ELAPOR2: variants seen among roughly 807,000 people sequenced by gnomAD.
The protein encoded by ELAPOR2 is endosome-lysosome associated apoptosis and autophagy regulator family member 2, also known as endosome/lysosome-associated apoptosis and autophagy regulator family member 2.
A neutral mutation model predicts 120.7 loss-of-function variants in ELAPOR2; 89 were observed. That is an observed-to-expected ratio of 0.74 (90% CI 0.62 to 0.88). The LOEUF (loss-of-function observed/expected upper bound fraction) is 0.88, where lower values mean the gene tolerates loss of function less well. Among genes scored for constraint, ELAPOR2 ranks in the 40% least tolerant of loss-of-function variants. The pLI is 0.00. For synonymous variants in ELAPOR2, 444 were observed against 444.9 expected, an observed-to-expected ratio of 1.00 and a Z score of 0.03; for missense variants, 1,134 against 1,251.6, an observed-to-expected ratio of 0.91 and a Z score of 1.42.
chr7:86,934,060 A>G (rs1253981012), intron 8 of ELAPOR2, among the ~76,000 whole-genome samples: 4 of 152,018 alleles, frequency 2.6e-5, no homozygotes, highest in African/African-American at 9.7e-5. Flanking sequence ...ATAATTTTGT[A>G]GTGAATGTTT....
rs148076560 is a variant in ELAPOR2, at chr7:86,953,006, G to T, written c.311-5084C>A. On this transcript the variant is annotated intron_variant, in intron 2 of 21. Coordinates refer to ENST00000450689, the MANE Select transcript of ELAPOR2 (RefSeq NM_001142749.3). ...AGCTACTTGGGAGGCTGAGGCATGA[G>T]AATTGCTTGAGCCTGGAAGACAGAG... Among the ~76,000 whole-genome samples the T allele has an allele frequency of 3.3e-3, 496 of 150,084 alleles. 3 individuals are homozygous for T. Among genetic ancestry groups the T allele is most frequent in the African/African-American group, 0.011 (452 of 40,832 alleles).
intron 1 of ELAPOR2, among the ~76,000 whole-genome samples, chr7:87,013,576 C>A (rs1793765260): frequency 6.6e-6 from 1 of 152,038 alleles, no homozygotes; most frequent in African/African-American, 2.4e-5. Context: ...GAGGAAGGAG[C>A]AGGTGGTGAA....
intron 8 of ELAPOR2, among the ~76,000 whole-genome samples, chr7:86,932,868 C>A (rs1309361758): frequency 6.6e-6 from 1 of 151,888 alleles, no homozygotes; most frequent in Admixed American, 6.6e-5. Context: ...TTCTTTCACA[C>A]AAATAAATTT....
chr7:87,051,400 C>A (rs1233883178), intron 1 of ELAPOR2, among the ~76,000 whole-genome samples: 1 of 152,148 alleles, frequency 6.6e-6, no homozygotes, highest in Non-Finnish European at 1.5e-5. Context: ...TGTAAGTAAA[C>A]AAATTTACCT....
intron 1 of ELAPOR2, among the ~76,000 whole-genome samples, chr7:87,040,551 G>A (rs1433262815): frequency 6.6e-6 from 1 of 152,054 alleles, no homozygotes; most frequent in Non-Finnish European, 1.5e-5. Context: ...GCAGCTGAGG[G>A]TCCTGTCTGT....
At position 87,030,444 on chromosome 7, in the gene ELAPOR2, A is replaced by C. The variant is rs151171222; in HGVS notation, c.189+28881T>G. Among the ~76,000 whole-genome samples, 1,238 of 152,312 alleles carry C rather than the reference A, an allele frequency of 8.1e-3. 18 individuals are homozygous for C. The highest frequency in any genetic ancestry group is 7.9e-3 in the Non-Finnish European group (538 of 68,014). ...TCATCAGCTCCCACCAAAAGAAAAA[A>C]AAAGAAAGAAAGAAAAAGAAAAAAT... is the stretch of plus-strand genomic sequence containing the variant. On this transcript the variant is annotated intron_variant, in intron 1 of 21. Transcript: ENST00000450689.
chr7:87,034,928 C>A (rs1053713515), intron 1 of ELAPOR2, among the ~76,000 whole-genome samples: 1 of 151,900 alleles, frequency 6.6e-6, no homozygotes, highest in African/African-American at 2.4e-5. Flanking sequence ...ACTAAAAATA[C>A]AAAATTAGCC....
At chr7:86,896,846 G>T (rs1236302604) in intron 19 of ELAPOR2, among the ~76,000 whole-genome samples, 3 of 151,898 alleles carry the variant, frequency 2.0e-5, no homozygotes, top group Non-Finnish European at 4.4e-5. Context: ...CATTATTTTT[G>T]GATTCAATTA....
chr7:86,902,351 T>C (rs1262184459), intron 18 of ELAPOR2, among the ~76,000 whole-genome samples: 2 of 152,140 alleles, frequency 1.3e-5, no homozygotes, highest in African/African-American at 4.8e-5. Flanking sequence ...TAATTTTGTA[T>C]TTTTAGTAGA....
chr7:86,951,319 G>A (rs1297586125), intron 2 of ELAPOR2, among the ~76,000 whole-genome samples: 2 of 152,054 alleles, frequency 1.3e-5, no homozygotes, highest in African/African-American at 2.4e-5. Flanking sequence ...GTCCAAAATG[G>A]TATTTTAAGT....
At chr7:86,973,577 C>T (rs557697986) in intron 1 of ELAPOR2, among the ~76,000 whole-genome samples, 11 of 152,250 alleles carry the variant, frequency 7.2e-5, no homozygotes, top group African/African-American at 2.6e-4. Context: ...GCTTCACATA[C>T]AAAAGGCAAC....
intron 1 of ELAPOR2, among the ~76,000 whole-genome samples, chr7:86,980,675 G>T (rs1483312721): frequency 6.6e-6 from 1 of 151,860 alleles, no homozygotes; most frequent in Admixed American, 6.6e-5. Context: ...CCTTCCTGTG[G>T]GTCTCAAGTA....
intron 2 of ELAPOR2, among the ~76,000 whole-genome samples, chr7:86,957,917 T>C (rs899988746): frequency 1.3e-5 from 2 of 152,302 alleles, no homozygotes; most frequent in East Asian, 3.9e-4. Flanking sequence ...ATACAATCTA[T>C]AAAGAGAACA....
intron 18 of ELAPOR2, among the ~76,000 whole-genome samples, chr7:86,904,539 A>G (rs1307130943): frequency 2.6e-5 from 4 of 152,186 alleles, no homozygotes; most frequent in African/African-American, 9.7e-5. Context: ...CAAACACTGT[A>G]CCGTTTTTAT....
intron 1 of ELAPOR2, among the ~76,000 whole-genome samples, chr7:87,010,101 G>A (rs1793607078): frequency 6.6e-6 from 1 of 152,164 alleles, no homozygotes. Context: ...AAACTTTACA[G>A]TGGAATTTAC....
intron 9 of ELAPOR2, 86 bp downstream of exon 9, chr7:86,926,650 C>T (rs191292377): frequency 2.3e-6 from 3 of 1,305,108 alleles, no homozygotes; most frequent in Non-Finnish European, 2.1e-6. Context: ...AACCACTTTC[C>T]ATAAAAACAA....
At chr7:86,920,616 T>C (rs1241639947) in intron 10 of ELAPOR2, 1 of 152,148 alleles carries the variant, frequency 6.6e-6, no homozygotes, top group Non-Finnish European at 1.5e-5. Context: ...GGAGGATTAA[T>C]ACCCTCGCAG....
At chr7:87,059,153 C>T (rs1446396368) in intron 1 of ELAPOR2, among the ~76,000 whole-genome samples, 172 bp downstream of exon 1, 1 of 152,028 alleles carries the variant, frequency 6.6e-6, no homozygotes, top group African/African-American at 2.4e-5. Context: ...CACACCCTCT[C>T]CGGGCCAGCT....
At chr7:86,957,114 C>G (rs1791504657) in intron 2 of ELAPOR2, among the ~76,000 whole-genome samples, 1 of 152,184 alleles carries the variant, frequency 6.6e-6, no homozygotes, top group Admixed American at 6.5e-5. Flanking sequence ...TTCAGCTTTT[C>G]TCAACTGTTT....
Sources: gnomAD v4.1 joint callset for allele counts (sites outside exome capture counted in the v4.1 genomes callset) on GRCh38, gnomAD v4.1.1 for gene constraint, MANE v1.5 for transcripts, NCBI Gene and HGNC (gene_info 2026-07-23, HGNC 2026-07-21) for gene names.